DOK6: variants seen among roughly 807,000 people sequenced by gnomAD.
The protein encoded by DOK6 is downstream of tyrosine kinase 6.
A neutral mutation model predicts 44.0 loss-of-function variants in DOK6; 22 were observed. The ratio of observed to expected loss-of-function variants is 0.50; its 90% CI spans 0.36 to 0.71. The LOEUF (loss-of-function observed/expected upper bound fraction) is 0.71. Ranked by LOEUF, DOK6 falls within the 30% of genes least tolerant of loss-of-function variation. DOK6 has a pLI of 0.00. For missense variants in DOK6, 340 were observed against 416.4 expected (o/e 0.82, Z 1.60); for synonymous variants, 166 against 145.5 (o/e 1.14, Z -1.01).
chr18:69,597,716 T>C (rs1174606046), intron 2 of DOK6, among the ~76,000 whole-genome samples: 1 of 143,930 alleles, frequency 6.9e-6, no homozygotes, highest in African/African-American at 2.5e-5. Flanking sequence ...CTGCTCAACC[T>C]CAGCTGGAAG....
chr18:69,790,974 C>A (rs550642735), intron 7 of DOK6, among the ~76,000 whole-genome samples: 4 of 140,556 alleles, frequency 2.8e-5, no homozygotes, highest in Non-Finnish European at 4.6e-5. Flanking sequence ...CTCTCTATCT[C>A]CATGAGGTCA....
chr18:69,774,133 G>GAGATATATATATAT (rs1555670147), intron 7 of DOK6, among the ~76,000 whole-genome samples: 2 of 66,896 alleles, frequency 3.0e-5, no homozygotes, highest in Non-Finnish European at 6.5e-5. Context: ...ATATATATGA[G>GAGATATATATATAT]ATATATATAT....
intron 1 of DOK6, among the ~76,000 whole-genome samples, chr18:69,513,588 T>A (rs1461576808): frequency 6.6e-6 from 1 of 152,224 alleles, no homozygotes; most frequent in Non-Finnish European, 1.5e-5. Context: ...TAGATTTCAC[T>A]GTCTGATAAA....
At chr18:69,639,974 G>GTTTCCCC (rs961916986) in intron 3 of DOK6, among the ~76,000 whole-genome samples, 2 of 152,152 alleles carry the variant, frequency 1.3e-5, no homozygotes, top group African/African-American at 4.8e-5. Flanking sequence ...TCACTTGCCT[G>GTTTCCCC]TTTCCCCAGG....
Position 69,845,606 on chromosome 18 carries a change from T to G in DOK6, c.*4223T>G, listed in dbSNP as rs1411946697. 6.6e-6 allele frequency: 1 copy of G among 152,188 alleles called. No individual in the cohort carries two copies. The highest frequency in any genetic ancestry group is 1.5e-5 in the Non-Finnish European group (1 of 68,036). The allele number at this position is 152,188 out of a possible 1,614,324, so 9.4% of individuals were successfully genotyped here. ...AGAGAGGCAGGATGGCAACTAGTCA[T>G]GAACGCAACAATTTAGGTTAAATGA... On this transcript the variant is annotated 3_prime_UTR_variant, in exon 8 of 8. Transcript: ENST00000382713.
intron 3 of DOK6, among the ~76,000 whole-genome samples, chr18:69,613,730 C>G (rs1280031816): frequency 6.6e-6 from 1 of 151,792 alleles, no homozygotes; most frequent in African/African-American, 2.4e-5. Flanking sequence ...TGATTTTGGA[C>G]AAGTAAATTT....
At chr18:69,659,668 T>A (rs988761731) in intron 3 of DOK6, among the ~76,000 whole-genome samples, 3 of 152,010 alleles carry the variant, frequency 2.0e-5, no homozygotes, top group Admixed American at 2.0e-4. Context: ...TTTTGGAATG[T>A]CTTGGAAAGG....
chr18:69,505,349 A>C (rs1981152661), intron 1 of DOK6, among the ~76,000 whole-genome samples: 1 of 152,042 alleles, frequency 6.6e-6, no homozygotes, highest in Non-Finnish European at 1.5e-5. Flanking sequence ...AATTCCATTG[A>C]CTTGTTTCCT....
intron 3 of DOK6, among the ~76,000 whole-genome samples, chr18:69,636,895 A>C (rs1984822381): frequency 6.6e-6 from 1 of 152,378 alleles, no homozygotes. Context: ...CAAAGGCAAA[A>C]TGCAGACTGG....
At chr18:69,682,470 A>G (rs778141590) in intron 4 of DOK6, among the ~76,000 whole-genome samples, 43 of 152,312 alleles carry the variant, frequency 2.8e-4, no homozygotes, top group Non-Finnish European at 5.1e-4. Flanking sequence ...GCCAGTGTCT[A>G]TTTCATCTGT....
intron 7 of DOK6, among the ~76,000 whole-genome samples, chr18:69,819,165 A>G (rs1234287296): frequency 1.3e-5 from 2 of 152,120 alleles, no homozygotes; most frequent in Non-Finnish European, 2.9e-5. Context: ...GGAGTTCCAT[A>G]TATTTCTTAC....
At chr18:69,826,899 A>G (rs569557414) in intron 7 of DOK6, among the ~76,000 whole-genome samples, 3 of 152,168 alleles carry the variant, frequency 2.0e-5, no homozygotes, top group Non-Finnish European at 4.4e-5. Context: ...TGTATCCACA[A>G]TTCTCAACTC....
intron 3 of DOK6, among the ~76,000 whole-genome samples, chr18:69,604,099 T>C (rs553081329): frequency 3.7e-4 from 57 of 152,284 alleles, no homozygotes; most frequent in African/African-American, 1.4e-3. Flanking sequence ...ACCCTGCAAT[T>C]ATTTTTAATA....
intron 1 of DOK6, among the ~76,000 whole-genome samples, chr18:69,551,392 C>A (rs972624715): frequency 1.3e-5 from 2 of 152,116 alleles, no homozygotes; most frequent in East Asian, 3.8e-4. Context: ...TGGTGTTCTG[C>A]AATCAACAAG....
intron 5 of DOK6, among the ~76,000 whole-genome samples, chr18:69,716,156 T>C (rs1170710458): frequency 6.6e-6 from 1 of 152,210 alleles, no homozygotes; most frequent in Non-Finnish European, 1.5e-5. Flanking sequence ...ACATATCTCC[T>C]ATGGAGGTCA....
chr18:69,697,536 G>T (rs886672739), intron 4 of DOK6, among the ~76,000 whole-genome samples: 2 of 152,052 alleles, frequency 1.3e-5, no homozygotes, highest in African/African-American at 4.8e-5. Context: ...AAGATATGGT[G>T]CTAGGAACTA....
At chr18:69,743,186 T>C (rs1978862706) in intron 6 of DOK6, among the ~76,000 whole-genome samples, 1 of 152,222 alleles carries the variant, frequency 6.6e-6, no homozygotes, top group Non-Finnish European at 1.5e-5. Flanking sequence ...CATATTAAAC[T>C]GGAACTATTT....
chr18:69,631,736 T>G (rs1984695030), intron 3 of DOK6, among the ~76,000 whole-genome samples: 1 of 152,194 alleles, frequency 6.6e-6, no homozygotes, highest in Non-Finnish European at 1.5e-5. Context: ...ATTGTTCACG[T>G]ATAAAACCAT....
chr18:69,617,514 GAAAA>G (rs1984321995), intron 3 of DOK6, among the ~76,000 whole-genome samples: 1 of 21,624 alleles, frequency 4.6e-5, no homozygotes, highest in African/African-American at 1.5e-4. Context: ...GAGAAAGAAA[GAAAA>G]GAAAGAAAGG....
Sources: gnomAD v4.1 joint callset for allele counts (sites outside exome capture counted in the v4.1 genomes callset) on GRCh38, gnomAD v4.1.1 for gene constraint, MANE v1.5 for transcripts, NCBI Gene and HGNC (gene_info 2026-07-23, HGNC 2026-07-21) for gene names.